Variants in LYST observed in about 807,000 individuals in gnomAD.
LYST encodes lysosomal-trafficking regulator.
LYST carries 192 observed loss-of-function variants against 413.6 expected under a neutral mutation model. That is an observed-to-expected ratio of 0.46 (90% confidence interval 0.41 to 0.52). The LOEUF (loss-of-function observed/expected upper bound fraction) is 0.52. Among genes scored for constraint, LYST ranks in the 20% least tolerant of loss-of-function variants. The probability of loss-of-function intolerance (pLI) is 0.00; values close to 1 mark genes in which losing one functional copy is unlikely to be tolerated. For missense variants in LYST, 3,815 were observed against 4,499.9 expected, an observed-to-expected ratio of 0.85 and a Z score of 4.35; for synonymous variants, 1,525 against 1,567.3, an observed-to-expected ratio of 0.97 and a Z score of 0.64.
At chr1:235,684,682 C>T (rs1302805599) in intron 48 of LYST, among the ~76,000 whole-genome samples, 1 of 152,110 alleles carries the variant, frequency 6.6e-6, no homozygotes, top group Non-Finnish European at 1.5e-5. Flanking sequence ...GTGGTGTGGT[C>T]ACGGCTTACT....
chr1:235,803,207 T>C (rs1672433753), intron 7 of LYST, 143 bp from the exon 8 acceptor site: 1 of 696,972 alleles, frequency 1.4e-6, no homozygotes, highest in African/African-American at 1.8e-5. Context: ...CATTATAAAT[T>C]ATGAAATTCA....
intron 3 of LYST, among the ~76,000 whole-genome samples, chr1:235,816,427 A>G (rs1674090706): frequency 1.3e-5 from 2 of 149,290 alleles, no homozygotes; most frequent in Non-Finnish European, 3.0e-5. Context: ...GTGACAGAGA[A>G]AGACTCCGTC....
chr1:235,869,492 A>G (rs1354869484), upstream of LYST, among the ~76,000 whole-genome samples: 1 of 152,220 alleles, frequency 6.6e-6, no homozygotes, highest in Non-Finnish European at 1.5e-5. Flanking sequence ...ATAATAATTA[A>G]AAAAGCTCTA....
intron 25 of LYST, 40 bp downstream of exon 25, chr1:235,755,438 A>G: frequency 3.4e-6 from 5 of 1,467,094 alleles, no homozygotes; most frequent in Non-Finnish European, 4.7e-6. Context: ...GAAAAAAGAC[A>G]AAAGATTCCC....
In LYST at chr1:235,801,098, CT is replaced by C; in HGVS notation, c.3713-2del. ...TCTGTTTCAGACTTTAAGTCTACCC[CT>C]GAAAAGAGAAAAGCGAAAGATTACT... On this transcript the variant is annotated splice_acceptor_variant, in intron 8 of 52. Transcript: ENST00000389793. LOFTEE classifies it high-confidence loss of function. 1 of 1,576,944 alleles carries C rather than the reference CT, an allele frequency of 6.3e-7. No homozygotes were observed. The highest frequency in any genetic ancestry group is 8.7e-7 in the Non-Finnish European group (1 of 1,147,100).
intron 42 of LYST, among the ~76,000 whole-genome samples, chr1:235,714,699 T>C (rs928842054): frequency 6.6e-6 from 1 of 152,222 alleles, no homozygotes; most frequent in Admixed American, 6.5e-5. Flanking sequence ...AGTCTGTCAC[T>C]TAAAATGCTG....
chr1:235,826,196 T>C (rs146106811), intron 3 of LYST, among the ~76,000 whole-genome samples: 6 of 152,324 alleles, frequency 3.9e-5, no homozygotes, highest in Admixed American at 1.3e-4. Flanking sequence ...GAATGAAACA[T>C]AGTACAACTA....
chr1:235,773,734 T>C (rs1203052859), intron 19 of LYST, 108 bp downstream of exon 19: 4 of 861,228 alleles, frequency 4.6e-6, no homozygotes, highest in Non-Finnish European at 7.7e-6. Flanking sequence ...ACACTGTAAA[T>C]GCACTTAATG....
rs1672616660 is a variant in LYST at position 235,804,656 on chromosome 1, C to T, written c.3403G>A (p.Val1135Met). Residue 1135 changes from valine to methionine, a missense_variant, in exon 7 of 53, where the codon GTG becomes ATG. Val to Met is a conservative substitution (Grantham distance 21). Transcript: ENST00000389793. ...CTCATTTCAAATAATATACTTTCCA[C>T]AGACAAGTTCTAAGGTAAAATAAAA... ...ELELPNQNLS[V>M]ESILFEMRDH... 6.3e-7 allele frequency: 1 copy of T among 1,597,104 alleles called. No individual in the cohort carries two copies.
At position 235,702,951 on chromosome 1, in the gene LYST, T is replaced by C. The variant is rs773560633; in HGVS notation, c.10170A>G (p.Ala3390=). The C allele has an allele frequency of 1.2e-5, 19 of 1,613,862 alleles. No homozygotes were observed. Among genetic ancestry groups the C allele is most frequent in the Non-Finnish European group, 1.6e-5 (19 of 1,179,896 alleles). Residue 3390 remains alanine, a synonymous_variant, in exon 45 of 53, where the codon GCA becomes GCG. Coordinates refer to ENST00000389793, the MANE Select transcript of LYST (RefSeq NM_000081.4). Reference sequence around the variant, plus strand: ...CTCGTCTCTGAACTGGATCTTCAACTGCAGAGACATCCATTCCAAAATATG... The same window carrying C: ...CTCGTCTCTGAACTGGATCTTCAACCGCAGAGACATCCATTCCAAAATATG... ...PATYFGMDVS[A]VEDPVQRRAL... is the part of the protein sequence containing the mutation.
chr1:235,776,963 C>T (rs940214176), intron 17 of LYST, 100 bp downstream of exon 17: 36 of 993,166 alleles, frequency 3.6e-5, no homozygotes, highest in East Asian at 5.2e-5. Context: ...TTAATATAGT[C>T]GAGTGTAGCT....
chr1:235,859,514 T>TA (rs1679617552), intron 1 of LYST, among the ~76,000 whole-genome samples: 2 of 149,754 alleles, frequency 1.3e-5, no homozygotes, highest in African/African-American at 5.1e-5. Flanking sequence ...TTTTTTTTTT[T>TA]TAAATGTATC....
intron 11 of LYST, 102 bp from the exon 12 acceptor site, chr1:235,792,227 A>G (rs1056169699): frequency 2.7e-6 from 2 of 731,716 alleles, no homozygotes; most frequent in Non-Finnish European, 4.6e-6. Flanking sequence ...ATACCCACAC[A>G]TATCAGCATT....
At chr1:235,864,686 T>C (rs1680287869) in intron 1 of LYST, among the ~76,000 whole-genome samples, 2 of 152,182 alleles carry the variant, frequency 1.3e-5, no homozygotes, top group Admixed American at 1.3e-4. Context: ...AATCGCAGAA[T>C]GTTGACACGC....
In LYST at chr1:235,746,318, C is replaced by T; in HGVS notation, c.7972+18G>A. 6.2e-7 allele frequency: 1 copy of T among 1,607,120 alleles called. No individual in the cohort carries two copies. The highest frequency in any genetic ancestry group is 1.1e-5 in the South Asian group (1 of 90,896). The stretch of plus-strand genomic sequence containing the variant: ...ATTTTAAAATCTGAGGAAAAACAAA[C>T]TAATCCTATAGTCTTACCTTGATAA... On this transcript the variant is annotated intron_variant, in intron 29 of 52. Coordinates refer to ENST00000389793, the MANE Select transcript of LYST (RefSeq NM_000081.4).
In LYST at chr1:235,733,587, A is replaced by G. The variant is rs1376131768; in HGVS notation, c.8717T>C (p.Ile2906Thr). Reference sequence around the variant, plus strand: ...TTTATACATTCCTCTAATATGCTGGATCACCTTTTTTCTCTCATTTCCTTG... The same window carrying G: ...TTTATACATTCCTCTAATATGCTGGGTCACCTTTTTTCTCTCATTTCCTTG... ...LSQGNERKKV[I>T]QHIRGMYKVD... is the part of the protein sequence containing the mutation. The change falls in exon 34 of 53, where the codon ATC becomes ACC. Residue 2906 changes from isoleucine to threonine, a missense_variant. By Grantham distance (89) the Ile-to-Thr change is moderately conservative (BLOSUM62 -1). Transcript: ENST00000389793. 1.9e-6 allele frequency: 3 copies of G among 1,613,742 alleles called. No individual in the cohort carries two copies. Among genetic ancestry groups the G allele is most frequent in the East Asian group, 2.2e-5 (1 of 44,862 alleles).
intron 1 of LYST, among the ~76,000 whole-genome samples, chr1:235,844,496 G>A (rs1016511757): frequency 6.6e-6 from 1 of 152,106 alleles, no homozygotes; most frequent in African/African-American, 2.4e-5. Context: ...TATGTTTTGG[G>A]GGGTAATTAA....
At chr1:235,833,869 C>T (rs1488108593) in intron 1 of LYST, among the ~76,000 whole-genome samples, 1 of 152,120 alleles carries the variant, frequency 6.6e-6, no homozygotes, top group East Asian at 1.9e-4. Flanking sequence ...TCTGAAAAAG[C>T]AACTCAATAA....
chr1:235,681,472 A>C (rs1659810682), intron 48 of LYST, among the ~76,000 whole-genome samples: 1 of 152,130 alleles, frequency 6.6e-6, no homozygotes, highest in African/African-American at 2.4e-5. Flanking sequence ...GACTAATGTG[A>C]TGCAGTCGGC....
Sources: allele counts gnomAD v4.1 joint callset (sites outside exome capture counted in the v4.1 genomes callset), GRCh38; gene constraint gnomAD v4.1.1; transcripts MANE v1.5; gene names NCBI Gene and HGNC (gene_info 2026-07-23, HGNC 2026-07-21).